Variants in KIAA0825 observed in about 807,000 individuals in gnomAD.
The protein encoded by KIAA0825 is uncharacterized protein KIAA0825.
A neutral mutation model predicts 147.6 loss-of-function variants in KIAA0825; 119 were observed. That is an observed-to-expected ratio of 0.81 (90% CI 0.69 to 0.94). KIAA0825 has a LOEUF of 0.94. Ranked by LOEUF, KIAA0825 falls within the 40% of genes least tolerant of loss-of-function variation. KIAA0825 has a pLI of 0.00. For synonymous variants in KIAA0825, 470 were observed against 518.1 expected, an observed-to-expected ratio of 0.91 and a Z score of 1.26; for missense variants, 1,381 against 1,472.7, an observed-to-expected ratio of 0.94 and a Z score of 1.02.
chr5:94,440,498 C>A (rs2150841218), intron 13 of KIAA0825, among the ~76,000 whole-genome samples: 1 of 152,142 alleles, frequency 6.6e-6, no homozygotes, highest in South Asian at 2.1e-4. Flanking sequence ...TAACTCCTTT[C>A]CTTATTGATT....
At chr5:94,298,495 G>A (rs946676093) in intron 20 of KIAA0825, among the ~76,000 whole-genome samples, 1 of 152,106 alleles carries the variant, frequency 6.6e-6, no homozygotes, top group Non-Finnish European at 1.5e-5. Context: ...TGAAGGCAAC[G>A]CTTATTTGTG....
intron 1 of KIAA0825, among the ~76,000 whole-genome samples, chr5:94,592,271 T>C (rs745731790): frequency 6.6e-6 from 1 of 152,026 alleles, no homozygotes; most frequent in Non-Finnish European, 1.5e-5. Flanking sequence ...AGGGTACAGG[T>C]ATTGGGTAAA....
At chr5:94,540,998 AAG>A (rs1773189080) in intron 2 of KIAA0825, among the ~76,000 whole-genome samples, 3 of 152,234 alleles carry the variant, frequency 2.0e-5, no homozygotes, top group Non-Finnish European at 2.9e-5. Flanking sequence ...GTTGTTTAAA[AAG>A]AGAGATGTTT....
At chr5:94,249,791 C>T (rs1775852511) in intron 20 of KIAA0825, among the ~76,000 whole-genome samples, 2 of 145,598 alleles carry the variant, frequency 1.4e-5, no homozygotes, top group Admixed American at 1.4e-4. Context: ...CAATATTTTG[C>T]TCTGCTGGTT....
At chr5:94,160,644 A>T (rs1767482342) in intron 20 of KIAA0825, among the ~76,000 whole-genome samples, 1 of 148,590 alleles carries the variant, frequency 6.7e-6, no homozygotes, top group Non-Finnish European at 1.5e-5. Flanking sequence ...GTATGTGTGT[A>T]TATTAAATAT....
rs116029749 is a variant in KIAA0825, at chr5:94,509,989, C to T, written c.970+10259G>A. On this transcript the variant is annotated intron_variant, in intron 5 of 20. Coordinates refer to ENST00000682413, the MANE Select transcript of KIAA0825 (RefSeq NM_001145678.3). Reference sequence around the variant, plus strand: ...ATGATTATTATAATTCATTTCAGTACGGTTTGGGAAAAAAGGTGTATGAGG... The same window carrying T: ...ATGATTATTATAATTCATTTCAGTATGGTTTGGGAAAAAAGGTGTATGAGG... Among the ~76,000 whole-genome samples the T allele has an allele frequency of 6.7e-3, 1,019 of 152,134 alleles. 7 individuals are homozygous for T. Among genetic ancestry groups the T allele is most frequent in the African/African-American group, 0.023 (970 of 41,530 alleles).
In KIAA0825 at chr5:94,390,294, G is replaced by T. The variant is rs531399930; in HGVS notation, c.3456+1241C>A. Among the ~76,000 whole-genome samples, 8 of 152,276 alleles carry T rather than the reference G, an allele frequency of 5.3e-5. No individual in the cohort carries two copies. The East Asian group carries it at 1.5e-3, about 29-fold the overall frequency. On this transcript the variant is annotated intron_variant, in intron 18 of 20. Transcript: ENST00000682413. ...TAACACTGCTTGGCTAAGGATATGG[G>T]GGTAACCACACTGCAACATCTGTTC...
chr5:94,533,468 G>C (rs552740181), intron 3 of KIAA0825, among the ~76,000 whole-genome samples: 1 of 151,340 alleles, frequency 6.6e-6, no homozygotes, highest in African/African-American at 2.4e-5. Context: ...GTAGAGACAG[G>C]GTTTCATCAT....
intron 12 of KIAA0825, among the ~76,000 whole-genome samples, chr5:94,461,656 G>C (rs1383093850): frequency 6.6e-6 from 1 of 151,776 alleles, no homozygotes; most frequent in African/African-American, 2.4e-5. Context: ...TAAAAATTAA[G>C]ATTTGTATGT....
At chr5:94,377,118 C>T (rs1214475119) in intron 20 of KIAA0825, among the ~76,000 whole-genome samples, 5 of 152,174 alleles carry the variant, frequency 3.3e-5, no homozygotes, top group Admixed American at 2.6e-4. Context: ...CAGATCAATG[C>T]CTCTTTTAAA....
At chr5:94,378,596 AT>A (rs1747922679) in intron 20 of KIAA0825, among the ~76,000 whole-genome samples, 1 of 152,202 alleles carries the variant, frequency 6.6e-6, no homozygotes, top group African/African-American at 2.4e-5. Context: ...TTGTAGAATG[AT>A]TTCTATTCCT....
chr5:94,238,883 C>T (rs77773088), intron 20 of KIAA0825, among the ~76,000 whole-genome samples: 53 of 152,248 alleles, frequency 3.5e-4, no homozygotes, highest in Non-Finnish European at 3.5e-4. Context: ...AATTCTATAA[C>T]TAGATTTATC....
intron 20 of KIAA0825, among the ~76,000 whole-genome samples, chr5:94,228,253 C>T (rs756234288): frequency 2.0e-5 from 3 of 152,126 alleles, no homozygotes; most frequent in Non-Finnish European, 2.9e-5. Flanking sequence ...CTAAATAATA[C>T]ATAATGGAAA....
At chr5:94,534,280 G>C (rs1002723480) in intron 3 of KIAA0825, among the ~76,000 whole-genome samples, 2 of 152,136 alleles carry the variant, frequency 1.3e-5, no homozygotes, top group African/African-American at 4.8e-5. Flanking sequence ...AAGCTATTCT[G>C]TTAGAAGGCA....
At chr5:94,558,699 G>A (rs1208745651) in intron 2 of KIAA0825, among the ~76,000 whole-genome samples, 2 of 152,060 alleles carry the variant, frequency 1.3e-5, no homozygotes, top group South Asian at 2.1e-4. Flanking sequence ...GAGTACTCTG[G>A]CACTTGAGAA....
chr5:94,424,413 C>T (rs1217466177), intron 14 of KIAA0825, among the ~76,000 whole-genome samples: 2 of 151,968 alleles, frequency 1.3e-5, no homozygotes, highest in Non-Finnish European at 2.9e-5. Context: ...CAACATCGTC[C>T]TGAATGACCA....
chr5:94,348,818 CA>C (rs753034726), intron 20 of KIAA0825, among the ~76,000 whole-genome samples: 4 of 152,128 alleles, frequency 2.6e-5, no homozygotes, highest in Non-Finnish European at 5.9e-5. Flanking sequence ...GGAAACACAT[CA>C]AAACAGAACC....
At chr5:94,481,102 G>C (rs1333766443) in intron 6 of KIAA0825, among the ~76,000 whole-genome samples, 1 of 152,050 alleles carries the variant, frequency 6.6e-6, no homozygotes, top group Non-Finnish European at 1.5e-5. Context: ...ATTGTCTAGA[G>C]AAGGTAGCCC....
chr5:94,301,610 G>C (rs564711042), intron 20 of KIAA0825, among the ~76,000 whole-genome samples: 102 of 152,188 alleles, frequency 6.7e-4, no homozygotes, highest in Non-Finnish European at 5.7e-4. Flanking sequence ...GAGCACAGTT[G>C]TGAGACTAAG....
Sources: allele counts gnomAD v4.1 joint callset (sites outside exome capture counted in the v4.1 genomes callset), GRCh38; gene constraint gnomAD v4.1.1; transcripts MANE v1.5; gene names NCBI Gene and HGNC (gene_info 2026-07-23, HGNC 2026-07-21).